The following GATA4 variants were observed in gnomAD, a reference collection of about 807,000 sequenced individuals.
The protein encoded by GATA4 is transcription factor GATA-4.
GATA4 carries 7 observed loss-of-function variants against 37.9 expected under a neutral mutation model. The observed-to-expected ratio is 0.18, with a 90% CI of 0.11 to 0.35. The LOEUF is 0.35. GATA4 is among the 10% of genes least tolerant of loss of function. The probability of loss-of-function intolerance (pLI) is 1.00; values close to 1 mark genes in which losing one functional copy is unlikely to be tolerated. For synonymous variants in GATA4, 372 were observed against 292.6 expected (o/e 1.27, Z -2.77); for missense variants, 647 against 653.0 (o/e 0.99, Z 0.10).
intron 4 of GATA4, among the ~76,000 whole-genome samples, chr8:11,752,618 C>G (rs1259512124): frequency 6.6e-6 from 1 of 152,104 alleles, no homozygotes; most frequent in Non-Finnish European, 1.5e-5. Context: ...GGGGACACAG[C>G]CAAACCAAGT....
intron 1 of GATA4, among the ~76,000 whole-genome samples, chr8:11,695,406 C>CA (rs879892343): frequency 0.011 from 1,647 of 147,458 alleles, 19 homozygotes; most frequent in African/African-American, 0.028. Flanking sequence ...AACTCCATCT[C>CA]AAAAAAAAAA....
chr8:11,742,661 GC>G (rs1801805814), intron 2 of GATA4, among the ~76,000 whole-genome samples: 1 of 152,228 alleles, frequency 6.6e-6, no homozygotes, highest in African/African-American at 2.4e-5. Flanking sequence ...AGCTGTGTGG[GC>G]CTCCCCGTGA....
intron 4 of GATA4, among the ~76,000 whole-genome samples, chr8:11,754,273 G>A (rs1023332864): frequency 6.6e-5 from 10 of 152,234 alleles, no homozygotes; most frequent in African/African-American, 1.9e-4. Flanking sequence ...CTGGAGTGCA[G>A]TGGCACGATC....
intron 2 of GATA4, among the ~76,000 whole-genome samples, chr8:11,748,236 C>G (rs760958696): frequency 1.3e-5 from 2 of 152,088 alleles, no homozygotes; most frequent in African/African-American, 4.8e-5. Flanking sequence ...GAAAAGAAGT[C>G]TCACAAAGGG....
chr8:11,704,089 A>T (rs944611351), upstream of GATA4: 2 of 152,274 alleles, frequency 1.3e-5, no homozygotes, highest in Non-Finnish European at 2.9e-5. Flanking sequence ...GCCTGCGCCC[A>T]GCGGAGGTGT....
intron 1 of GATA4, chr8:11,697,654 G>A (rs1396363450): frequency 5.1e-6 from 5 of 985,346 alleles, no homozygotes; most frequent in Non-Finnish European, 6.0e-6. Context: ...CCTTTCAGAG[G>A]ACCCCGGGTC....
chr8:11,689,540 A>G (rs755573509), upstream of GATA4, among the ~76,000 whole-genome samples: 6 of 152,208 alleles, frequency 3.9e-5, no homozygotes, highest in Non-Finnish European at 8.8e-5. Flanking sequence ...TGAGTCCACA[A>G]GACCATTAGG....
At position 11,707,278 on chromosome 8, in the gene GATA4, C is replaced by A. The variant is rs1799928498; in HGVS notation, c.-457-578C>A. On this transcript the variant is annotated intron_variant, in intron 1 of 6. Coordinates refer to ENST00000532059, the MANE Select transcript of GATA4 (RefSeq NM_001308093.3). This position sits in a 1 kb window ranked among gnomAD's most constrained non-coding sequence, Gnocchi z 4.7. ...AACCCTCTTCAGGAGGCTTAGCAGACACCGTTGTTCACTTATAAACATTTG... is the reference window on the plus strand; with the variant it reads ...AACCCTCTTCAGGAGGCTTAGCAGAAACCGTTGTTCACTTATAAACATTTG... Among the ~76,000 whole-genome samples the A allele has an allele frequency of 6.6e-6, 1 of 151,724 alleles. No individual in the cohort carries two copies. Among genetic ancestry groups the A allele is most frequent in the African/African-American group, 2.4e-5 (1 of 41,280 alleles).
intron 1 of GATA4, chr8:11,698,073 C>A (rs1799560885): frequency 2.1e-6 from 2 of 940,582 alleles, no homozygotes; most frequent in Non-Finnish European, 2.5e-6. Context: ...CCCACCCAGG[C>A]CCGGCCGCTT....
At chr8:11,695,916 A>G (rs557528398) in intron 1 of GATA4, among the ~76,000 whole-genome samples, 4 of 152,298 alleles carry the variant, frequency 2.6e-5, no homozygotes, top group Non-Finnish European at 1.5e-5. Flanking sequence ...GGGAGGACCA[A>G]CCTTGAAAAA....
At chr8:11,690,576 C>G (rs1401998442), upstream of GATA4, among the ~76,000 whole-genome samples, 1 of 152,044 alleles carries the variant, frequency 6.6e-6, no homozygotes, top group Non-Finnish European at 1.5e-5. Flanking sequence ...AAAAGCTGGC[C>G]TGGTGTGGTG....
chr8:11,698,866 C>T (rs1416197148), intron 1 of GATA4, among the ~76,000 whole-genome samples: 1 of 152,118 alleles, frequency 6.6e-6, no homozygotes, highest in Non-Finnish European at 1.5e-5. Flanking sequence ...ATAGCAGCTC[C>T]ACAGGCAGAT....
intron 1 of GATA4, among the ~76,000 whole-genome samples, chr8:11,693,586 G>A (rs982120008): frequency 2.0e-5 from 3 of 151,222 alleles, no homozygotes; most frequent in Admixed American, 6.6e-5. Flanking sequence ...GAGAGAGAGA[G>A]AGAGAGAGAC....
chr8:11,715,001 G>A (rs1800374877), intron 2 of GATA4, among the ~76,000 whole-genome samples: 1 of 152,110 alleles, frequency 6.6e-6, no homozygotes, highest in South Asian at 2.1e-4. Flanking sequence ...TTTCAGCATT[G>A]CTCGTAATAA....
chr8:11,693,532 C>T (rs1473609372), intron 1 of GATA4, among the ~76,000 whole-genome samples: 5 of 92,194 alleles, frequency 5.4e-5, no homozygotes. Context: ...AACACACACA[C>T]ACACACACAC....
At chr8:11,711,575 C>T (rs947779103) in intron 2 of GATA4, among the ~76,000 whole-genome samples, 1 of 151,932 alleles carries the variant, frequency 6.6e-6, no homozygotes, top group Admixed American at 6.6e-5. Flanking sequence ...GCCAGGAGTT[C>T]GAGGTCAGCC....
chr8:11,687,635 A>T (rs944335923), upstream of GATA4, among the ~76,000 whole-genome samples: 1 of 152,210 alleles, frequency 6.6e-6, no homozygotes, highest in Non-Finnish European at 1.5e-5. Flanking sequence ...GAGATGTTGT[A>T]AAGCCAAAGG....
At position 11,749,939 on chromosome 8, in the gene GATA4, G is replaced by T. The variant is rs934374044; in HGVS notation, c.787-172G>T. ...TTGTTCTGATTTATTCCTCGCAGTG[G>T]CGCAGGTGACAGGAGAGTTAGGTGC... On this transcript the variant is annotated intron_variant, in intron 3 of 6. Coordinates refer to ENST00000532059, the MANE Select transcript of GATA4 (RefSeq NM_001308093.3). This position sits in a 1 kb window ranked among gnomAD's most constrained non-coding sequence, Gnocchi z 4.6. 1.3e-5 allele frequency among the ~76,000 whole-genome samples: 2 copies of T among 152,248 alleles called. No individual in the cohort carries two copies. The highest frequency in any genetic ancestry group is 4.8e-5 in the African/African-American group (2 of 41,474).
chr8:11,755,257 A>T (rs1048554893), intron 5 of GATA4, 124 bp downstream of exon 5: 4 of 737,570 alleles, frequency 5.4e-6, no homozygotes, highest in Admixed American at 4.1e-5. Flanking sequence ...AGCATCGGAC[A>T]TCCCTGGCCT....
Sources: allele counts gnomAD v4.1 joint callset (sites outside exome capture counted in the v4.1 genomes callset), GRCh38; gene constraint gnomAD v4.1.1; non-coding constraint Gnocchi (gnomAD v3.1); transcripts MANE v1.5; gene names NCBI Gene and HGNC (gene_info 2026-07-23, HGNC 2026-07-21).